ESR1: variants seen among roughly 807,000 people sequenced by gnomAD.
ESR1 encodes estrogen receptor.
A neutral mutation model predicts 52.7 loss-of-function variants in ESR1; 12 were observed. The observed-to-expected ratio is 0.23, with a 90% CI of 0.15 to 0.37. ESR1 has a LOEUF of 0.37. ESR1 is among the 10% of genes least tolerant of loss of function. ESR1 has a pLI of 1.00. For missense variants in ESR1, 584 were observed against 779.7 expected (o/e 0.75, Z 2.99); for synonymous variants, 305 against 316.8 (o/e 0.96, Z 0.39).
chr6:151,669,193 G>GA (rs1777958664), intron 1 of ESR1, among the ~76,000 whole-genome samples: 4 of 49,062 alleles, frequency 8.2e-5, no homozygotes, highest in South Asian at 5.7e-4. Flanking sequence ...AGAGAGATGG[G>GA]AATCCAGGGG....
At chr6:151,748,846 T>G (rs1339687009) in intron 2 of ESR1, among the ~76,000 whole-genome samples, 1 of 152,202 alleles carries the variant, frequency 6.6e-6, no homozygotes, top group South Asian at 2.1e-4. Context: ...CTGAGAAATA[T>G]GCAGGCATAG....
rs367709705 is a variant in ESR1, at chr6:152,021,735, C to G, written c.1235+9941C>G. ...GAATTTTAGCCTCCCATACTTCCCACGTGTTGTGGGAGGGACCCGGTGGGA... is the reference window on the plus strand; with the variant it reads ...GAATTTTAGCCTCCCATACTTCCCAGGTGTTGTGGGAGGGACCCGGTGGGA... On this transcript the variant is annotated intron_variant, in intron 5 of 7. Transcript: ENST00000206249. Among the ~76,000 whole-genome samples, 3 of 152,220 alleles carry G rather than the reference C, an allele frequency of 2.0e-5. No homozygotes were observed. In the South Asian group the frequency reaches 6.2e-4, roughly 32 times the overall value.
intron 1 of ESR1, among the ~76,000 whole-genome samples, chr6:151,697,557 C>T (rs1378515080): frequency 6.6e-6 from 1 of 152,158 alleles, no homozygotes; most frequent in Non-Finnish European, 1.5e-5. Context: ...AAATTATTTT[C>T]TTTGGACAAG....
chr6:151,736,375 G>GTTTTTTTTTTTTTTTT (rs10624912), intron 2 of ESR1, among the ~76,000 whole-genome samples: 5 of 112,734 alleles, frequency 4.4e-5, no homozygotes, highest in African/African-American at 1.9e-4. Flanking sequence ...TCCAGGTAGT[G>GTTTTTTTTTTTTTTTT]TTTTTTTTTT....
At chr6:151,918,438 TG>T (rs1240088451) in intron 3 of ESR1, among the ~76,000 whole-genome samples, 1 of 152,246 alleles carries the variant, frequency 6.6e-6, no homozygotes, top group Non-Finnish European at 1.5e-5. Context: ...CAAGGGCAGT[TG>T]GTTCACAATG....
At chr6:151,804,727 G>T (rs959157855), upstream of ESR1, 2 of 152,114 alleles carry the variant, frequency 1.3e-5, no homozygotes, top group Admixed American at 6.6e-5. Context: ...GCCAGAGACC[G>T]GCCACTCCTG....
At chr6:152,083,633 C>G (rs941817889) in intron 6 of ESR1, among the ~76,000 whole-genome samples, 1 of 152,188 alleles carries the variant, frequency 6.6e-6, no homozygotes, top group Non-Finnish European at 1.5e-5. Flanking sequence ...AGAGCTTCTG[C>G]ACAGCAAAGG....
At chr6:151,925,017 G>T (rs1199817810) in intron 3 of ESR1, among the ~76,000 whole-genome samples, 2 of 151,944 alleles carry the variant, frequency 1.3e-5, no homozygotes, top group Non-Finnish European at 2.9e-5. Flanking sequence ...CTCCTTTTAG[G>T]TCTTTGAGGG....
intron 2 of ESR1, among the ~76,000 whole-genome samples, chr6:151,724,294 T>C (rs77321982): frequency 0.03 from 4,522 of 152,098 alleles, 215 homozygotes; most frequent in African/African-American, 0.1. Context: ...AACAGAGAAA[T>C]GAAGTGAAGG....
At chr6:151,801,051 G>GGTGTGTGTGTGTGTGTGT (rs3062689), upstream of ESR1, among the ~76,000 whole-genome samples, 331 of 147,694 alleles carry the variant, frequency 2.2e-3, 8 homozygotes, top group South Asian at 0.029. Context: ...TTGATTATGT[G>GGTGTGTGTGTGTGTGTGT]GTGTGTGTGT....
intron 3 of ESR1, among the ~76,000 whole-genome samples, chr6:151,893,496 T>C (rs1240210000): frequency 6.6e-6 from 1 of 151,294 alleles, no homozygotes; most frequent in Non-Finnish European, 1.5e-5. Flanking sequence ...AAATTTATAT[T>C]TTTTATATTT....
At chr6:151,776,315 G>A (rs184327285) in intron 2 of ESR1, among the ~76,000 whole-genome samples, 28 of 152,286 alleles carry the variant, frequency 1.8e-4, no homozygotes, top group African/African-American at 6.7e-4. Context: ...AGAATAGGAG[G>A]GATTTGTGGG....
chr6:151,802,701 T>G (rs992951732), upstream of ESR1, among the ~76,000 whole-genome samples: 2 of 152,170 alleles, frequency 1.3e-5, no homozygotes, highest in Non-Finnish European at 2.9e-5. Context: ...AAAAACAGTT[T>G]TGAAAGACCG....
chr6:151,828,890 C>T (rs1019074646), intron 1 of ESR1, among the ~76,000 whole-genome samples: 1 of 152,338 alleles, frequency 6.6e-6, no homozygotes, highest in Non-Finnish European at 1.5e-5. Flanking sequence ...AGACTGTTTT[C>T]CTTTGTTACA....
intron 5 of ESR1, among the ~76,000 whole-genome samples, chr6:152,026,978 T>G (rs975316817): frequency 1.3e-5 from 2 of 152,118 alleles, no homozygotes; most frequent in African/African-American, 4.8e-5. Context: ...CTCTTTTTTT[T>G]TTTTTGAGGT....
chr6:151,885,957 A>G (rs1237047298), intron 3 of ESR1, among the ~76,000 whole-genome samples: 1 of 152,206 alleles, frequency 6.6e-6, no homozygotes, highest in African/African-American at 2.4e-5. Flanking sequence ...AAAGTGCCAC[A>G]CAAGTGTTAG....
chr6:151,909,488 G>C (rs1797939227), intron 3 of ESR1, among the ~76,000 whole-genome samples: 1 of 152,224 alleles, frequency 6.6e-6, no homozygotes, highest in South Asian at 2.1e-4. Context: ...AATACATGTA[G>C]CAAAGAATGA....
intron 2 of ESR1, among the ~76,000 whole-genome samples, chr6:151,850,108 A>ATATATTATTTTATATG (rs1491263524): frequency 0.088 from 2,382 of 27,104 alleles, 127 homozygotes; most frequent in Middle Eastern, 0.23. Context: ...ATATATATAT[A>ATATATTATTTTATATG]CAAAATTATA....
chr6:152,007,255 G>A (rs1225593111), intron 4 of ESR1, among the ~76,000 whole-genome samples: 2 of 151,990 alleles, frequency 1.3e-5, no homozygotes, highest in Admixed American at 6.6e-5. Flanking sequence ...TCAGGATCTC[G>A]TGAGGCCTGG....
Sources: allele counts gnomAD v4.1 joint callset (sites outside exome capture counted in the v4.1 genomes callset), GRCh38; gene constraint gnomAD v4.1.1; transcripts MANE v1.5; gene names NCBI Gene and HGNC (gene_info 2026-07-23, HGNC 2026-07-21).